The following PDLIM1 variants were observed in gnomAD, a reference collection of about 807,000 sequenced individuals.
The protein encoded by PDLIM1 is PDZ and LIM domain 1.
In PDLIM1, 25 loss-of-function variants were observed where a neutral mutation model predicts 35.2. The ratio of observed to expected loss-of-function variants is 0.71; its 90% CI spans 0.52 to 0.99. The LOEUF is 0.99. Among genes scored for constraint, PDLIM1 ranks in the 50% least tolerant of loss-of-function variants. The pLI, the probability that PDLIM1 is intolerant of heterozygous loss-of-function variation, is 0.00. For synonymous variants in PDLIM1, 152 were observed against 154.0 expected, an observed-to-expected ratio of 0.99 and a Z score of 0.10; for missense variants, 363 against 415.3, an observed-to-expected ratio of 0.87 and a Z score of 1.09.
intron 4 of PDLIM1, among the ~76,000 whole-genome samples, chr10:95,249,241 CA>C (rs768326686): frequency 3.9e-4 from 60 of 152,236 alleles, no homozygotes; most frequent in South Asian, 6.2e-4. Flanking sequence ...CGAGGTCCTC[CA>C]GGGCAGCCAG....
At position 95,237,967 on chromosome 10, in the gene PDLIM1, T is replaced by C. The variant is rs762604256; in HGVS notation, c.948A>G (p.Thr316=). The change falls in exon 7 of 7, where the codon ACA becomes ACG. Residue 316 remains threonine (T), a synonymous_variant. Coordinates refer to ENST00000329399, the MANE Select transcript of PDLIM1 (RefSeq NM_020992.4). The part of the protein sequence containing the change: ...YCEKHARERV[T]PPEGYEVVTV... Reference sequence around the variant, plus strand: ...TGACCACTTCATAACCCTCAGGTGGTGTGACTCGCTCCCGGGCATGCTTCT... The same window carrying C: ...TGACCACTTCATAACCCTCAGGTGGCGTGACTCGCTCCCGGGCATGCTTCT... 1 of 1,614,174 alleles carries C rather than the reference T, an allele frequency of 6.2e-7. No individual in the cohort carries two copies. Among genetic ancestry groups the C allele is most frequent in the Non-Finnish European group, 8.5e-7 (1 of 1,180,016 alleles).
intron 2 of PDLIM1, among the ~76,000 whole-genome samples, chr10:95,269,789 T>G (rs565869450): frequency 6.6e-6 from 1 of 152,028 alleles, no homozygotes; most frequent in African/African-American, 2.4e-5. Context: ...TGGAGTGCAA[T>G]GAATGGCGTG....
intron 1 of PDLIM1, among the ~76,000 whole-genome samples, chr10:95,282,892 C>T (rs2035572689): frequency 2.0e-5 from 3 of 152,138 alleles, no homozygotes; most frequent in Non-Finnish European, 2.9e-5. Context: ...TGCAATGAGC[C>T]GAGATCATGC....
chr10:95,251,975 G>A (rs1308623298), intron 4 of PDLIM1, among the ~76,000 whole-genome samples: 1 of 152,182 alleles, frequency 6.6e-6, no homozygotes, highest in Non-Finnish European at 1.5e-5. Context: ...CTCAAGAGGA[G>A]CCTGCTGTAT....
intron 4 of PDLIM1, among the ~76,000 whole-genome samples, chr10:95,262,805 T>C (rs557013740): frequency 2.2e-4 from 34 of 152,258 alleles, no homozygotes; most frequent in African/African-American, 7.9e-4. Context: ...GAGCCTGAGA[T>C]GGAGCAGACA....
chr10:95,250,589 A>G, intron 4 of PDLIM1, among the ~76,000 whole-genome samples: 1 of 152,202 alleles, frequency 6.6e-6, no homozygotes, highest in East Asian at 1.9e-4. Flanking sequence ...GAAATGGAGC[A>G]AAAAATTTCT....
chr10:95,246,793 C>T (rs1251099213), intron 5 of PDLIM1, among the ~76,000 whole-genome samples: 2 of 152,196 alleles, frequency 1.3e-5, no homozygotes, highest in African/African-American at 2.4e-5. Flanking sequence ...CTGGCTTCAC[C>T]GAGCACTAAT....
chr10:95,245,076 C>T (rs554741540), intron 5 of PDLIM1, among the ~76,000 whole-genome samples: 1 of 152,226 alleles, frequency 6.6e-6, no homozygotes, highest in Non-Finnish European at 1.5e-5. Flanking sequence ...CTCTTCCCTT[C>T]CAGCAGAATC....
At chr10:95,251,642 A>G (rs2035268825) in intron 4 of PDLIM1, among the ~76,000 whole-genome samples, 3 of 152,242 alleles carry the variant, frequency 2.0e-5, no homozygotes, top group Admixed American at 6.5e-5. Context: ...TAAAAATTGG[A>G]ATAGAAACGG....
At chr10:95,267,242 T>C (rs1259844547) in intron 3 of PDLIM1, among the ~76,000 whole-genome samples, 1 of 152,180 alleles carries the variant, frequency 6.6e-6, no homozygotes, top group Non-Finnish European at 1.5e-5. Flanking sequence ...ATACTACAAA[T>C]GAAAACTATA....
chr10:95,238,635 T>C lies in PDLIM1; in HGVS notation c.736A>G (p.Lys246Glu), dbSNP rs745836853. 6.2e-7 allele frequency: 1 copy of C among 1,614,140 alleles called. No homozygotes were observed. Among genetic ancestry groups the C allele is most frequent in the Non-Finnish European group, 8.5e-7 (1 of 1,179,954 alleles). ...GFRSVKAPVT[K>E]VAASIGNAQK... is the part of the protein sequence containing the mutation. ...GCATTTCCAATCGACGCAGCCACTTTAGTGACAGGAGCTTTAACACTTCTG... is the reference window on the plus strand; with the variant it reads ...GCATTTCCAATCGACGCAGCCACTTCAGTGACAGGAGCTTTAACACTTCTG... Residue 246 changes from lysine (K) to glutamate (E), a missense_variant, in exon 6 of 7, where the codon AAA becomes GAA. Coordinates refer to ENST00000329399, the MANE Select transcript of PDLIM1 (RefSeq NM_020992.4).
chr10:95,238,132 A>C, intron 6 of PDLIM1, 21 bp from the exon 7 acceptor site: 1 of 1,606,290 alleles, frequency 6.2e-7, no homozygotes, highest in Non-Finnish European at 8.5e-7. Context: ...AAGGGAGGGA[A>C]GGGACTCCAT....
intron 1 of PDLIM1, among the ~76,000 whole-genome samples, chr10:95,273,820 C>T (rs925899472): frequency 1.4e-4 from 22 of 152,242 alleles, no homozygotes; most frequent in African/African-American, 4.6e-4. Context: ...AAAATTCCTC[C>T]GTTTTCTGAC....
intron 3 of PDLIM1, among the ~76,000 whole-genome samples, chr10:95,264,424 G>C (rs2035395126): frequency 6.6e-6 from 1 of 152,236 alleles, no homozygotes; most frequent in Admixed American, 6.5e-5. Context: ...ACATACCAAA[G>C]AGATTAAAGC....
intron 4 of PDLIM1, among the ~76,000 whole-genome samples, chr10:95,252,859 A>AG (rs1226304293): frequency 6.6e-6 from 1 of 152,130 alleles, no homozygotes; most frequent in Non-Finnish European, 1.5e-5. Flanking sequence ...TAGAATGGGG[A>AG]GAAAAAAAAG....
At position 95,290,459 on chromosome 10, in the gene PDLIM1, G is replaced by T. The variant is rs567800032; in HGVS notation, c.96+361C>A. Among the ~76,000 whole-genome samples, 7 of 152,122 alleles carry T rather than the reference G, an allele frequency of 4.6e-5. No individual in the cohort carries two copies. In the South Asian group the frequency reaches 1.5e-3, roughly 32 times the overall value. Reference sequence around the variant, plus strand: ...GGCTGCACTGCGATCTGGGAAGAAGGGAGAAGTGCCATCTCCCAGCGCGCG... The same window carrying T: ...GGCTGCACTGCGATCTGGGAAGAAGTGAGAAGTGCCATCTCCCAGCGCGCG... On this transcript the variant is annotated intron_variant, in intron 1 of 6. Coordinates refer to ENST00000329399, the MANE Select transcript of PDLIM1 (RefSeq NM_020992.4). This position sits in a 1 kb window ranked among gnomAD's most constrained non-coding sequence, Gnocchi z 4.7.
chr10:95,267,929 C>A (rs973409152), intron 3 of PDLIM1, among the ~76,000 whole-genome samples: 7 of 152,186 alleles, frequency 4.6e-5, no homozygotes, highest in Admixed American at 1.3e-4. Context: ...CCTAGTTTAT[C>A]ATTACTAATT....
intron 1 of PDLIM1, among the ~76,000 whole-genome samples, chr10:95,287,602 G>C (rs188509149): frequency 6.6e-6 from 1 of 152,048 alleles, no homozygotes; most frequent in Non-Finnish European, 1.5e-5. Flanking sequence ...ATGTTGGCCT[G>C]GGTATTTCTC....
At position 95,271,725 on chromosome 10, in the gene PDLIM1, G is replaced by A; in HGVS notation, c.156C>T (p.Ala52=). Residue 52 remains alanine, a synonymous_variant, in exon 2 of 7, where the codon GCC becomes GCT. Transcript: ENST00000329399. ...ANLCIGDVIT[A]IDGENTSNMT... ...TATTGCTAGTATTTTCCCCATCAAT[G>A]GCTGTGATTACATCTCCAATACATA... 1 of 1,612,834 alleles carries A rather than the reference G, an allele frequency of 6.2e-7. No individual in the cohort carries two copies. Among genetic ancestry groups the A allele is most frequent in the Non-Finnish European group, 8.5e-7 (1 of 1,179,464 alleles).
Sources: allele counts gnomAD v4.1 joint callset (sites outside exome capture counted in the v4.1 genomes callset), GRCh38; gene constraint gnomAD v4.1.1; non-coding constraint Gnocchi (gnomAD v3.1); transcripts MANE v1.5; gene names NCBI Gene and HGNC (gene_info 2026-07-23, HGNC 2026-07-21).